The following CSNK2A1 variants were observed in gnomAD, a reference collection of about 807,000 sequenced individuals.
CSNK2A1 encodes the protein casein kinase 2 alpha 1, also known as casein kinase II subunit alpha.
A neutral mutation model predicts 62.9 loss-of-function variants in CSNK2A1; 10 were observed. The observed-to-expected ratio is 0.16, with a 90% confidence interval of 0.10 to 0.27. CSNK2A1 has a LOEUF of 0.27. Among genes scored for constraint, CSNK2A1 ranks in the 10% least tolerant of loss-of-function variants. The pLI is 1.00. For missense variants in CSNK2A1, 160 were observed against 492.0 expected, an observed-to-expected ratio of 0.33 and a Z score of 6.38; for synonymous variants, 124 against 167.8, an observed-to-expected ratio of 0.74 and a Z score of 2.02.
At chr20:485,109 AATATATATATATATAT>A (rs199759212) in intron 13 of CSNK2A1, among the ~76,000 whole-genome samples, 19 of 24,666 alleles carry the variant, frequency 7.7e-4, no homozygotes, top group South Asian at 2.8e-3. Flanking sequence ...AAAAAAAAAA[AATATATATATATATAT>A]ATATATATAT....
At chr20:488,522 A>G in intron 11 of CSNK2A1, 156 bp downstream of exon 11, 4 of 679,138 alleles carry the variant, frequency 5.9e-6, no homozygotes, top group Non-Finnish European at 9.9e-6. Flanking sequence ...CAATGCCTTT[A>G]TCAGAGGCCT....
intron 9 of CSNK2A1, among the ~76,000 whole-genome samples, chr20:490,893 GAAAAAAA>G (rs36034582): frequency 9.8e-6 from 1 of 102,210 alleles, no homozygotes; most frequent in Admixed American, 1.1e-4. Context: ...TCACTTACAT[GAAAAAAA>G]AAAAAAAAAA....
At chr20:539,536 T>C (rs551145110) in intron 1 of CSNK2A1, 1 of 152,346 alleles carries the variant, frequency 6.6e-6, no homozygotes, top group South Asian at 2.1e-4. Context: ...TGCTTTTAAG[T>C]GCTTATGTGA....
intron 8 of CSNK2A1, among the ~76,000 whole-genome samples, chr20:493,000 T>A (rs1290889173): frequency 1.3e-5 from 2 of 152,222 alleles, no homozygotes; most frequent in Non-Finnish European, 2.9e-5. Flanking sequence ...GTGCATAGCA[T>A]GACCATGATC....
chr20:527,001 C>CAGACAGACAGAGAGAGAGAGAGAGAG (rs1197678638), intron 2 of CSNK2A1: 3 of 97,812 alleles, frequency 3.1e-5, no homozygotes, highest in African/African-American at 1.2e-4. Context: ...GAGAGACAGA[C>CAGACAGACAGAGAGAGAGAGAGAGAG]AGAGAGAGAG....
intron 1 of CSNK2A1, among the ~76,000 whole-genome samples, chr20:536,659 C>G (rs1368483476): frequency 6.6e-6 from 1 of 152,138 alleles, no homozygotes; most frequent in East Asian, 1.9e-4. Context: ...TCTATTCTAC[C>G]CCCTTCTCAT....
chr20:520,975 T>C (rs1949693330), intron 2 of CSNK2A1, among the ~76,000 whole-genome samples: 1 of 151,812 alleles, frequency 6.6e-6, no homozygotes. Context: ...ACTCTACCTC[T>C]GGGGGGGAAA....
intron 7 of CSNK2A1, chr20:496,153 A>G (rs1307986152): frequency 4.7e-6 from 1 of 214,080 alleles, no homozygotes; most frequent in African/African-American, 2.3e-5. Context: ...CTTTACTACA[A>G]ACCTCTTATT....
At chr20:542,807 C>T (rs2019481294) in intron 1 of CSNK2A1, among the ~76,000 whole-genome samples, 1 of 152,188 alleles carries the variant, frequency 6.6e-6, no homozygotes, top group Non-Finnish European at 1.5e-5. Flanking sequence ...TCAAGTCTTC[C>T]CAAATAATTT....
At chr20:513,559 A>T (rs1486103547) in intron 2 of CSNK2A1, among the ~76,000 whole-genome samples, 2 of 152,234 alleles carry the variant, frequency 1.3e-5, no homozygotes, top group Non-Finnish European at 2.9e-5. Context: ...ACTCCCAAGT[A>T]TACATGACAT....
chr20:543,685 G>A lies in CSNK2A1; in HGVS notation c.-240C>T, dbSNP rs964453479. The stretch of plus-strand genomic sequence containing the variant: ...CTCCCTAGGTACCTGTGGTGGAAGC[G>A]GCAGCGGCGGCGGCCGCTCTCCCCT... On this transcript the variant is annotated 5_prime_UTR_variant, in exon 1 of 14. Transcript: ENST00000217244. The A allele has an allele frequency of 2.5e-6, 1 of 398,140 alleles. No individual in the cohort carries two copies. Among genetic ancestry groups the A allele is most frequent in the Non-Finnish European group, 4.4e-6 (1 of 226,052 alleles). 24.7% of individuals were successfully genotyped at this position (398,140 alleles called of 1,614,324 possible).
In CSNK2A1 at chr20:477,543, C is replaced by G. The variant is rs576020982; in HGVS notation, c.*6418G>C. On this transcript the variant is annotated 3_prime_UTR_variant, in exon 14 of 14. Coordinates refer to ENST00000217244, the MANE Select transcript of CSNK2A1 (RefSeq NM_177559.3). ...TACCACCCCCACCACCTCAATCCTG[C>G]CCCTGTAGCCTTTCCAAGTGCCACA... is the stretch of plus-strand genomic sequence containing the variant. 1 of 152,604 alleles carries G rather than the reference C, an allele frequency of 6.6e-6. No individual in the cohort carries two copies. The highest frequency in any genetic ancestry group is 2.4e-5 in the African/African-American group (1 of 41,560). The allele number at this position is 152,604 out of a possible 1,614,324, so 9.5% of individuals were successfully genotyped here.
intron 8 of CSNK2A1, among the ~76,000 whole-genome samples, chr20:493,130 C>T (rs1166599064): frequency 6.6e-6 from 1 of 152,180 alleles, no homozygotes; most frequent in South Asian, 2.1e-4. Context: ...CACTCAGTCT[C>T]CCCCTGTTCG....
rs190954739 is a variant in CSNK2A1 at position 475,985 on chromosome 20, A to G, written c.*7976T>C. On this transcript the variant is annotated 3_prime_UTR_variant, in exon 14 of 14. Transcript: ENST00000217244. ...TACAGTTGCCTTAGAAATTTGTGAGACTAAGACTAGACAGAGAACAAAAGC... is the reference window on the plus strand; with the variant it reads ...TACAGTTGCCTTAGAAATTTGTGAGGCTAAGACTAGACAGAGAACAAAAGC... 7 of 152,370 alleles carry G rather than the reference A, an allele frequency of 4.6e-5. No individual in the cohort carries two copies. The highest frequency in any genetic ancestry group is 5.9e-5 in the Non-Finnish European group (4 of 68,052). 9.4% of individuals were successfully genotyped at this position (152,370 alleles called of 1,614,324 possible).
chr20:512,043 T>G (rs1054504166), intron 2 of CSNK2A1, among the ~76,000 whole-genome samples: 2 of 152,028 alleles, frequency 1.3e-5, no homozygotes, highest in African/African-American at 4.8e-5. Context: ...TACTAACACT[T>G]GTTATTTTCT....
chr20:490,335 C>CTTTTCTTTTTTTTT (rs1430310808), intron 9 of CSNK2A1, among the ~76,000 whole-genome samples: 2 of 84,804 alleles, frequency 2.4e-5, no homozygotes, highest in African/African-American at 1.1e-4. Context: ...CTAGTTTTTT[C>CTTTTCTTTTTTTTT]TTTTTTTTTT....
chr20:543,404 C>T (rs1190068044), intron 1 of CSNK2A1, among the ~76,000 whole-genome samples: 1 of 151,790 alleles, frequency 6.6e-6, no homozygotes, highest in Non-Finnish European at 1.5e-5. Flanking sequence ...CAGTCCTCTC[C>T]TCTGCAATAA....
Position 543,782 on chromosome 20 carries a change from A to G in CSNK2A1, c.-337T>C. On this transcript the variant is annotated 5_prime_UTR_variant, in exon 1 of 14. Transcript: ENST00000217244. ...CTCGGCCGCCAGCCGCAGGGACCAG[A>G]GCGAGGCTGCAGCCGCTGCTGCCGG... 2 of 398,454 alleles carry G rather than the reference A, an allele frequency of 5.0e-6. No individual in the cohort carries two copies. The highest frequency in any genetic ancestry group is 2.1e-5 in the African/African-American group (1 of 48,734). The allele number at this position is 398,454 out of a possible 1,614,324, so 24.7% of individuals were successfully genotyped here. A position where few individuals can be genotyped will look rare whatever the true frequency, so the allele number is the denominator to read the frequency against.
intron 7 of CSNK2A1, chr20:496,465 G>C (rs2018348459): frequency 6.6e-6 from 1 of 152,398 alleles, no homozygotes; most frequent in African/African-American, 2.4e-5. Flanking sequence ...AAACTAAAGG[G>C]AACTGAGTAG....
Sources: gnomAD v4.1 joint callset for allele counts (sites outside exome capture counted in the v4.1 genomes callset) on GRCh38, gnomAD v4.1.1 for gene constraint, MANE v1.5 for transcripts, NCBI Gene and HGNC (gene_info 2026-07-23, HGNC 2026-07-21) for gene names.